DAB1: variants seen among roughly 807,000 people sequenced by gnomAD.
DAB1 encodes DAB adaptor protein 1.
A neutral mutation model predicts 64.6 loss-of-function variants in DAB1; 15 were observed. That is an observed-to-expected ratio of 0.23 (90% CI 0.16 to 0.36). DAB1 has a LOEUF of 0.36. Among genes scored for constraint, DAB1 ranks in the 10% least tolerant of loss-of-function variants. DAB1 has a pLI of 1.00. For synonymous variants in DAB1, 235 were observed against 251.9 expected, an observed-to-expected ratio of 0.93 and a Z score of 0.64; for missense variants, 596 against 706.7, an observed-to-expected ratio of 0.84 and a Z score of 1.78.
chr1:57,083,536 C>T (rs902916861), intron 4 of DAB1, among the ~76,000 whole-genome samples: 1 of 152,092 alleles, frequency 6.6e-6, no homozygotes, highest in Non-Finnish European at 1.5e-5. Context: ...ACTGCAGAAA[C>T]GAGGTCATTA....
intron 3 of DAB1, among the ~76,000 whole-genome samples, chr1:58,466,745 G>A (rs1386971651): frequency 1.3e-5 from 2 of 152,066 alleles, no homozygotes; most frequent in East Asian, 1.9e-4. Context: ...CATTCTACAC[G>A]GGTGATGTTT....
chr1:57,749,968 A>C (rs890228180), intron 6 of DAB1, among the ~76,000 whole-genome samples: 1 of 152,064 alleles, frequency 6.6e-6, no homozygotes, highest in Non-Finnish European at 1.5e-5. Context: ...GGTGAAAAAA[A>C]TCAATACACA....
At chr1:58,430,606 CA>C (rs1347620885) in intron 3 of DAB1, among the ~76,000 whole-genome samples, 1 of 152,200 alleles carries the variant, frequency 6.6e-6, no homozygotes, top group Non-Finnish European at 1.5e-5. Context: ...ACTCAGGCTG[CA>C]GCTGTGACCT....
intron 7 of DAB1, among the ~76,000 whole-genome samples, chr1:57,475,900 T>C (rs1249096110): frequency 2.6e-5 from 4 of 152,198 alleles, no homozygotes; most frequent in African/African-American, 9.7e-5. Context: ...AATGAATAAA[T>C]GAATGTACTT....
intron 5 of DAB1, chr1:58,056,364 G>A (rs773465330): frequency 1.1e-5 from 18 of 1,588,022 alleles, no homozygotes; most frequent in Admixed American, 6.7e-5. Flanking sequence ...TTCGAATGAC[G>A]AATGTCTTAA....
chr1:57,395,049 G>C (rs1682693297), intron 1 of DAB1, among the ~76,000 whole-genome samples: 1 of 152,130 alleles, frequency 6.6e-6, no homozygotes, highest in Admixed American at 6.5e-5. Flanking sequence ...TTTTGAGACA[G>C]AGTCTCACTA....
At chr1:57,565,444 G>A (rs1279040381) in intron 7 of DAB1, among the ~76,000 whole-genome samples, 1 of 152,106 alleles carries the variant, frequency 6.6e-6, no homozygotes, top group African/African-American at 2.4e-5. Context: ...AAATGTAAAT[G>A]GGCTAAATGC....
intron 1 of DAB1, among the ~76,000 whole-genome samples, chr1:57,418,425 A>G (rs1684654704): frequency 6.6e-6 from 1 of 152,226 alleles, no homozygotes; most frequent in Admixed American, 6.5e-5. Flanking sequence ...GAGTCCATTC[A>G]AGAGATGCAG....
chr1:58,018,807 T>C (rs972196557), intron 5 of DAB1, among the ~76,000 whole-genome samples: 6 of 152,190 alleles, frequency 3.9e-5, no homozygotes, highest in African/African-American at 1.4e-4. Context: ...AAGAAGTACA[T>C]TGTTATAAAA....
chr1:57,474,508 C>T (rs1028483684), intron 7 of DAB1, among the ~76,000 whole-genome samples: 4 of 152,174 alleles, frequency 2.6e-5, no homozygotes, highest in African/African-American at 9.7e-5. Flanking sequence ...GTATGATTTA[C>T]ATTTCCTGTA....
At chr1:57,026,127 A>G in intron 9 of DAB1, 84 bp from the exon 10 acceptor site, 1 of 981,804 alleles carries the variant, frequency 1.0e-6, no homozygotes, top group Non-Finnish European at 1.6e-6. Context: ...TGGTATGGGG[A>G]TACACATTTC....
intron 9 of DAB1, among the ~76,000 whole-genome samples, chr1:57,051,686 C>T (rs1164971099): frequency 1.3e-5 from 2 of 152,044 alleles, no homozygotes; most frequent in African/African-American, 2.4e-5. Flanking sequence ...TCTGGGGTTC[C>T]CAAACATCTC....
chr1:57,990,068 C>A (rs1646308417), intron 5 of DAB1, among the ~76,000 whole-genome samples: 1 of 152,096 alleles, frequency 6.6e-6, no homozygotes, highest in South Asian at 2.1e-4. Flanking sequence ...CCTGGGAACC[C>A]ATCACTGAAA....
At chr1:57,727,529 A>G (rs1647234446) in intron 6 of DAB1, among the ~76,000 whole-genome samples, 1 of 152,188 alleles carries the variant, frequency 6.6e-6, no homozygotes, top group Admixed American at 6.5e-5. Context: ...GATCATGATG[A>G]ATGGGATTCT....
intron 3 of DAB1, among the ~76,000 whole-genome samples, chr1:58,470,114 C>CTATT (rs1372534872): frequency 6.9e-6 from 1 of 145,938 alleles, no homozygotes; most frequent in Admixed American, 7.0e-5. Flanking sequence ...CTGGGACTTT[C>CTATT]TCTTTATTTA....
intron 5 of DAB1, among the ~76,000 whole-genome samples, chr1:58,001,073 T>C (rs75030742): frequency 0.021 from 3,242 of 151,982 alleles, 47 homozygotes; most frequent in South Asian, 0.046. Flanking sequence ...TTTCCCCTCA[T>C]AATCCCTTCC....
intron 5 of DAB1, among the ~76,000 whole-genome samples, chr1:57,916,037 C>T (rs569268962): frequency 2.0e-5 from 3 of 152,298 alleles, no homozygotes; most frequent in South Asian, 4.2e-4. Flanking sequence ...GAACTGGACT[C>T]TTTGTGCCAA....
chr1:57,972,293 G>C (rs985469212), intron 5 of DAB1, among the ~76,000 whole-genome samples: 1 of 152,130 alleles, frequency 6.6e-6, no homozygotes, highest in African/African-American at 2.4e-5. Flanking sequence ...CTGAAGTGTA[G>C]TTGTACAATC....
At chr1:57,391,096 C>A (rs1483615284) in intron 1 of DAB1, among the ~76,000 whole-genome samples, 3 of 152,210 alleles carry the variant, frequency 2.0e-5, no homozygotes, top group Admixed American at 2.0e-4. Flanking sequence ...GAATCCAGAT[C>A]CCCTACCCAC....
Sources: allele counts gnomAD v4.1 joint callset (sites outside exome capture counted in the v4.1 genomes callset), GRCh38; gene constraint gnomAD v4.1.1; transcripts MANE v1.5; gene names NCBI Gene and HGNC (gene_info 2026-07-23, HGNC 2026-07-21).